The following TP53BP1 variants were observed in gnomAD, a reference collection of about 807,000 sequenced individuals.
TP53BP1 encodes TP53-binding protein 1.
TP53BP1 carries 61 observed loss-of-function variants against 200.8 expected under a neutral mutation model. That is an observed-to-expected ratio of 0.30 (90% CI 0.25 to 0.38). The LOEUF (loss-of-function observed/expected upper bound fraction) is 0.38. Among genes scored for constraint, TP53BP1 ranks in the 10% least tolerant of loss-of-function variants. The probability of loss-of-function intolerance (pLI) is 1.00; values close to 1 mark genes in which losing one functional copy is unlikely to be tolerated. For missense variants in TP53BP1, 2,144 were observed against 2,371.9 expected, an observed-to-expected ratio of 0.90 and a Z score of 2.00; for synonymous variants, 822 against 844.3, an observed-to-expected ratio of 0.97 and a Z score of 0.46.
Position 43,413,102 on chromosome 15 carries a change from GCTTCCTAAGGC to G in TP53BP1, c.5305+6_5305+16del. ...GTGCCTATGTGTCAGAGCTCCCAGGGCTTCCTAAGGCCTTACCCTCCTCTTCTTCACTGCTT... is the reference window on the plus strand; with the variant it reads ...GTGCCTATGTGTCAGAGCTCCCAGGGCTTACCCTCCTCTTCTTCACTGCTT... On this transcript the variant is annotated splice_donor_region_variant and intron_variant, in intron 24 of 27. Transcript: ENST00000382044. 6.2e-7 allele frequency: 1 copy of G among 1,613,102 alleles called. No homozygotes were observed. Among genetic ancestry groups the G allele is most frequent in the Non-Finnish European group, 8.5e-7 (1 of 1,179,238 alleles).
chr15:43,454,964 A>C (rs998908411), intron 12 of TP53BP1, among the ~76,000 whole-genome samples: 2 of 152,154 alleles, frequency 1.3e-5, no homozygotes, highest in African/African-American at 4.8e-5. Flanking sequence ...TCCTGAGCTC[A>C]GGCAATCCGC....
chr15:43,446,301 A>C (rs1197282289), intron 14 of TP53BP1, 86 bp downstream of exon 14: 2 of 991,852 alleles, frequency 2.0e-6, no homozygotes, highest in East Asian at 5.2e-5. Flanking sequence ...TAAATATAGA[A>C]GTATCAATTA....
chr15:43,430,779 ATAAC>A (rs2045650917), intron 17 of TP53BP1, among the ~76,000 whole-genome samples: 2 of 152,240 alleles, frequency 1.3e-5, no homozygotes, highest in Admixed American at 1.3e-4. Flanking sequence ...AGAAAGATTA[ATAAC>A]TAATAATAAG....
chr15:43,473,045 GGTGA>G (rs1386613647), intron 10 of TP53BP1, among the ~76,000 whole-genome samples: 1 of 152,104 alleles, frequency 6.6e-6, no homozygotes, highest in African/African-American at 2.4e-5. Flanking sequence ...AGACCTTCGC[GGTGA>G]GTATTACAGC....
At position 43,492,475 on chromosome 15, in the gene TP53BP1, T is replaced by C. The variant is rs749629459; in HGVS notation, c.8-7A>G. ...GTAGGGTCCATCTGCTCCCCTGGAA[T>C]GGAATAACAAAAGATCAGTTCCGTG... On this transcript the variant is annotated splice_region_variant and splice_polypyrimidine_tract_variant and intron_variant, in intron 1 of 27. Transcript: ENST00000382044. 3.1e-6 allele frequency: 5 copies of C among 1,611,404 alleles called. No homozygotes were observed. The highest frequency in any genetic ancestry group is 2.7e-5 in the African/African-American group (2 of 74,842).
At chr15:43,441,486 G>A in intron 15 of TP53BP1, 40 bp downstream of exon 15, 1 of 1,343,010 alleles carries the variant, frequency 7.4e-7, no homozygotes, top group Non-Finnish European at 1.1e-6. Flanking sequence ...ATCACCAGTA[G>A]CTGTGTATTA....
At chr15:43,509,831 CA>C (rs67186713) in intron 1 of TP53BP1, among the ~76,000 whole-genome samples, 6 of 148,788 alleles carry the variant, frequency 4.0e-5, no homozygotes, top group Admixed American at 1.3e-4. Flanking sequence ...GCAAACGGGA[CA>C]AAAAAAAACC....
At chr15:43,412,875 A>G (rs2045158223) in intron 24 of TP53BP1, 1 of 584,584 alleles carries the variant, frequency 1.7e-6, no homozygotes, top group East Asian at 3.6e-5. Flanking sequence ...CATAAAATAG[A>G]TAAGATCTAT....
At chr15:43,421,757 A>C in intron 19 of TP53BP1, 98 bp downstream of exon 19, 1 of 1,476,304 alleles carries the variant, frequency 6.8e-7, no homozygotes, top group East Asian at 2.3e-5. Flanking sequence ...TTAATGGAGG[A>C]TGGGGGATTT....
intron 10 of TP53BP1, among the ~76,000 whole-genome samples, chr15:43,471,486 G>T (rs2046724532): frequency 6.6e-6 from 1 of 151,910 alleles, no homozygotes; most frequent in African/African-American, 2.4e-5. Context: ...CGACGCAGTG[G>T]TGCCACCTTG....
rs572927079 is a variant in TP53BP1, at chr15:43,475,370, T to C, written c.1085+195A>G. ...CTTAGTGAAACGTTTGGGCTACTAT[T>C]ATAAAATTTTCAAATGGGACAACAG... On this transcript the variant is annotated intron_variant, in intron 9 of 27. Transcript: ENST00000382044. Among the ~76,000 whole-genome samples the C allele has an allele frequency of 2.8e-4, 43 of 152,308 alleles. 1 individual carries two copies. In the South Asian group the frequency reaches 5.0e-3, roughly 18 times the overall value.
chr15:43,446,736 G>C, intron 13 of TP53BP1, 146 bp from the exon 14 acceptor site: 2 of 1,514,130 alleles, frequency 1.3e-6, no homozygotes, highest in Non-Finnish European at 1.8e-6. Flanking sequence ...CCTGTCATAA[G>C]TATCAACAAC....
rs1159124706 is a variant in TP53BP1, at chr15:43,439,883, T to C, written c.3099-1467A>G. Among the ~76,000 whole-genome samples, 4 of 152,176 alleles carry C rather than the reference T, an allele frequency of 2.6e-5. No homozygotes were observed. In the East Asian group the frequency reaches 7.7e-4, roughly 29 times the overall value. On this transcript the variant is annotated intron_variant, in intron 15 of 27. Transcript: ENST00000382044. ...ACTTATTCCTGGCCAAAAATTCTGTTAAAGCCAAATGGACCAGATACACAC... is the reference window on the plus strand; with the variant it reads ...ACTTATTCCTGGCCAAAAATTCTGTCAAAGCCAAATGGACCAGATACACAC...
At chr15:43,408,134 A>G in intron 26 of TP53BP1, 46 bp from the exon 27 acceptor site, 1 of 1,587,818 alleles carries the variant, frequency 6.3e-7, no homozygotes, top group Non-Finnish European at 8.6e-7. Flanking sequence ...AGTAATATCC[A>G]ACAAACTGCC....
chr15:43,504,188 A>C (rs1174287378), intron 1 of TP53BP1, among the ~76,000 whole-genome samples: 1 of 152,194 alleles, frequency 6.6e-6, no homozygotes, highest in Non-Finnish European at 1.5e-5. Context: ...CTGTTGCCCA[A>C]GCTGGAGCGC....
At chr15:43,474,853 A>C (rs1241328630) in intron 9 of TP53BP1, 86 bp from the exon 10 acceptor site, 1 of 928,788 alleles carries the variant, frequency 1.1e-6, no homozygotes, top group Non-Finnish European at 1.7e-6. Context: ...TAACAGGAAA[A>C]AATATCTAAG....
intron 18 of TP53BP1, 96 bp downstream of exon 18, chr15:43,427,920 G>T: frequency 2.3e-6 from 2 of 853,656 alleles, no homozygotes; most frequent in Non-Finnish European, 3.5e-6. Flanking sequence ...TCACGCAACT[G>T]CATTCCAGCC....
chr15:43,454,189 G>A (rs1490915820), intron 12 of TP53BP1, among the ~76,000 whole-genome samples: 3 of 151,692 alleles, frequency 2.0e-5, no homozygotes, highest in Non-Finnish European at 4.4e-5. Context: ...CAGCAACAGA[G>A]CAAGACTCCA....
chr15:43,495,692 C>T (rs2079178983), upstream of TP53BP1, among the ~76,000 whole-genome samples: 1 of 151,666 alleles, frequency 6.6e-6, no homozygotes, highest in Admixed American at 6.6e-5. Context: ...GGGCAGGCGC[C>T]TGTAGTCCCA....
Sources: gnomAD v4.1 joint callset for allele counts (sites outside exome capture counted in the v4.1 genomes callset) on GRCh38, gnomAD v4.1.1 for gene constraint, MANE v1.5 for transcripts, NCBI Gene and HGNC (gene_info 2026-07-23, HGNC 2026-07-21) for gene names.